JPH1: variants seen among roughly 807,000 people sequenced by gnomAD.
JPH1 encodes the protein junctophilin 1, also known as junctophilin-1.
JPH1 carries 12 observed loss-of-function variants against 53.6 expected under a neutral mutation model. The observed-to-expected ratio is 0.22, with a 90% CI of 0.14 to 0.36. JPH1 has a LOEUF of 0.36. Among genes scored for constraint, JPH1 ranks in the 10% least tolerant of loss-of-function variants. The probability of loss-of-function intolerance (pLI) is 1.00; values close to 1 mark genes in which losing one functional copy is unlikely to be tolerated. For missense variants in JPH1, 808 were observed against 905.5 expected, an observed-to-expected ratio of 0.89 and a Z score of 1.38; for synonymous variants, 375 against 363.8, an observed-to-expected ratio of 1.03 and a Z score of -0.35.
chr8:74,283,137 AGAATGCACCAGGGGTACATATGGCT>A (rs1167859093), intron 2 of JPH1, among the ~76,000 whole-genome samples: 1 of 152,194 alleles, frequency 6.6e-6, no homozygotes, highest in Non-Finnish European at 1.5e-5. Context: ...TGCAGCAGTC[AGAATGCACCAGGGGTACATATGGCT>A]GCATGGATAA....
chr8:74,262,377 T>A (rs190623413), intron 2 of JPH1, among the ~76,000 whole-genome samples: 4 of 152,270 alleles, frequency 2.6e-5, no homozygotes, highest in African/African-American at 9.6e-5. Context: ...CTGTAATCAG[T>A]CAATTGCGAT....
chr8:74,268,171 A>G (rs1270628723), intron 2 of JPH1, among the ~76,000 whole-genome samples: 1 of 152,236 alleles, frequency 6.6e-6, no homozygotes, highest in African/African-American at 2.4e-5. Flanking sequence ...AGAGGTACTT[A>G]ACAGATAAAT....
chr8:74,259,259 G>C, intron 3 of JPH1, 126 bp downstream of exon 3: 1 of 686,648 alleles, frequency 1.5e-6, no homozygotes, highest in East Asian at 2.8e-5. Context: ...AGGCGCCCTT[G>C]CTTGTTTTGT....
chr8:74,255,404 T>A (rs1207746238), intron 3 of JPH1, among the ~76,000 whole-genome samples: 1 of 152,078 alleles, frequency 6.6e-6, no homozygotes, highest in Non-Finnish European at 1.5e-5. Context: ...TCAAGATGGA[T>A]TAAAGACTTA....
rs142371786 is a variant in JPH1 at position 74,272,063 on chromosome 8, G to A, written c.1140-12560C>T. Reference sequence around the variant, plus strand: ...CATCAGGAGCTTTTACTAACGTTACGCATGTCCTGCTGTCCTTGTCTTCCT... The same window carrying A: ...CATCAGGAGCTTTTACTAACGTTACACATGTCCTGCTGTCCTTGTCTTCCT... On this transcript the variant is annotated intron_variant, in intron 2 of 5. Transcript: ENST00000342232. Among the ~76,000 whole-genome samples, 67 of 152,318 alleles carry A rather than the reference G, an allele frequency of 4.4e-4. 2 individuals carry two copies. The East Asian group carries it at 7.1e-3, about 16-fold the overall frequency.
chr8:74,249,033 T>C (rs1419602954), intron 3 of JPH1, among the ~76,000 whole-genome samples: 1 of 152,202 alleles, frequency 6.6e-6, no homozygotes, highest in African/African-American at 2.4e-5. Flanking sequence ...CTCACGGACA[T>C]GGCTGCCACA....
rs73341696 is a variant in JPH1, at chr8:74,258,347, A to G, written c.1258+1038T>C. Among the ~76,000 whole-genome samples, 734 of 152,324 alleles carry G rather than the reference A, an allele frequency of 4.8e-3. 5 individuals are homozygous for G. The highest frequency in any genetic ancestry group is 0.016 in the African/African-American group (676 of 41,572). The stretch of plus-strand genomic sequence containing the variant: ...GGAGAATATATATAAATAGGTGAAT[A>G]TTGCCTTTTTGAAACTCAAAACAAA... On this transcript the variant is annotated intron_variant, in intron 3 of 5. Transcript: ENST00000342232.
At chr8:74,305,296 G>A (rs1212953633) in intron 2 of JPH1, among the ~76,000 whole-genome samples, 1 of 152,226 alleles carries the variant, frequency 6.6e-6, no homozygotes, top group African/African-American at 2.4e-5. Flanking sequence ...CTGCTGCTTG[G>A]AGAAGCCTAC....
Position 74,320,850 on chromosome 8 carries a change from G to C in JPH1, c.379+59C>G. The C allele has an allele frequency of 1.4e-6, 2 of 1,423,926 alleles. No homozygotes were observed. The highest frequency in any genetic ancestry group is 1.5e-5 in the African/African-American group (1 of 66,836). 88.2% of individuals were successfully genotyped at this position (1,423,926 alleles called of 1,614,324 possible). On this transcript the variant is annotated intron_variant, in intron 1 of 5. Transcript: ENST00000342232. This position sits in a 1 kb window ranked among gnomAD's most constrained non-coding sequence, Gnocchi z 4.4. ...GCGTCCTCCCCGCTTCCCCGCAGCC[G>C]GGGCAGAGCCCACCGCACCAGCTCG...
chr8:74,235,375 G>A lies in JPH1; in HGVS notation c.*1676C>T, dbSNP rs757256496. ...ACACCCAGGATTTTCAACATATTGT[G>A]CTTCTGTAAGAAACATCACTGGGTT... On this transcript the variant is annotated 3_prime_UTR_variant, in exon 6 of 6. Transcript: ENST00000342232. 1 of 152,356 alleles carries A rather than the reference G, an allele frequency of 6.6e-6. No homozygotes were observed. Among genetic ancestry groups the A allele is most frequent in the Non-Finnish European group, 1.5e-5 (1 of 67,980 alleles). The allele number at this position is 152,356 out of a possible 1,614,324, so 9.4% of individuals were successfully genotyped here.
At chr8:74,308,303 T>G (rs1807896394) in intron 2 of JPH1, among the ~76,000 whole-genome samples, 1 of 152,232 alleles carries the variant, frequency 6.6e-6, no homozygotes, top group South Asian at 2.1e-4. Context: ...TGGCTCAACC[T>G]GATGCTCTTG....
chr8:74,244,438 GGC>G lies in JPH1; in HGVS notation c.1905+89_1905+90del, dbSNP rs540612625. ...GTGCTTCTAGAACCTTGGTTAGCCT[GGC>G]TGTGATCAAGATGCACAGTCACCCC... On this transcript the variant is annotated intron_variant, in intron 4 of 5. Transcript: ENST00000342232. 66 of 1,367,816 alleles carry G rather than the reference GGC, an allele frequency of 4.8e-5. No individual in the cohort carries two copies. The South Asian group carries it at 8.7e-4, about 18-fold the overall frequency. The allele number at this position is 1,367,816 out of a possible 1,614,324, so 84.7% of individuals were successfully genotyped here. A position where few individuals can be genotyped will look rare whatever the true frequency, so the allele number is the denominator to read the frequency against.
intron 2 of JPH1, among the ~76,000 whole-genome samples, chr8:74,296,347 C>A (rs986289027): frequency 2.6e-5 from 4 of 152,166 alleles, no homozygotes; most frequent in African/African-American, 9.7e-5. Flanking sequence ...ACATTTTATT[C>A]TGGGTACAAA....
At chr8:74,294,990 T>C (rs1428570477) in intron 2 of JPH1, among the ~76,000 whole-genome samples, 1 of 152,220 alleles carries the variant, frequency 6.6e-6, no homozygotes, top group East Asian at 1.9e-4. Context: ...ACAGAGTGTG[T>C]GCTTTACCAC....
At chr8:74,267,271 C>CA (rs1806560517) in intron 2 of JPH1, among the ~76,000 whole-genome samples, 1 of 151,992 alleles carries the variant, frequency 6.6e-6, no homozygotes, top group South Asian at 2.1e-4. Context: ...ATAAGTGAGT[C>CA]AAAAAAGCAA....
intron 2 of JPH1, among the ~76,000 whole-genome samples, chr8:74,261,179 C>T (rs1372583214): frequency 6.6e-6 from 1 of 152,130 alleles, no homozygotes; most frequent in Non-Finnish European, 1.5e-5. Context: ...GGGGACATTA[C>T]ATATTTGTCA....
chr8:74,244,541 T>C lies in JPH1; in HGVS notation c.1893A>G (p.Lys631=). Residue 631 remains lysine, a synonymous_variant, in exon 4 of 6, where the codon AAA becomes AAG. Transcript: ENST00000342232. Reference sequence around the variant, plus strand: ...TTGCAGTACTTACTGAATTGGCTTCTTTTTCCAAAGCAGGGCATGAATCGT... The same window carrying C: ...TTGCAGTACTTACTGAATTGGCTTCCTTTTCCAAAGCAGGGCATGAATCGT... ...ASNDSCPALE[K]EANSGPNSIM... The C allele has an allele frequency of 6.2e-7, 1 of 1,603,384 alleles. No homozygotes were observed. The highest frequency in any genetic ancestry group is 8.5e-7 in the Non-Finnish European group (1 of 1,176,246).
At chr8:74,240,051 A>C (rs187410917) in intron 4 of JPH1, among the ~76,000 whole-genome samples, 6 of 152,264 alleles carry the variant, frequency 3.9e-5, no homozygotes, top group Admixed American at 2.0e-4. Context: ...GGCTCACCGT[A>C]ACCTCTGCCT....
chr8:74,288,235 C>T (rs1309818860), intron 2 of JPH1, among the ~76,000 whole-genome samples: 1 of 152,206 alleles, frequency 6.6e-6, no homozygotes, highest in Non-Finnish European at 1.5e-5. Context: ...GGACAGGTTT[C>T]ATCTTCCCAT....
Sources: allele counts gnomAD v4.1 joint callset (sites outside exome capture counted in the v4.1 genomes callset), GRCh38; gene constraint gnomAD v4.1.1; non-coding constraint Gnocchi (gnomAD v3.1); transcripts MANE v1.5; gene names NCBI Gene and HGNC (gene_info 2026-07-23, HGNC 2026-07-21).